SLC9C2: variants seen among roughly 807,000 people sequenced by gnomAD.
The protein encoded by SLC9C2 is sodium/hydrogen exchanger 11.
SLC9C2 carries 75 observed loss-of-function variants against 140.2 expected under a neutral mutation model. That is an observed-to-expected ratio of 0.53 (90% confidence interval 0.44 to 0.65). The LOEUF (loss-of-function observed/expected upper bound fraction) is 0.65. SLC9C2 is among the 30% of genes least tolerant of loss of function. The pLI is 0.00. For missense variants in SLC9C2, 1,074 were observed against 1,331.8 expected, an observed-to-expected ratio of 0.81 and a Z score of 3.01; for synonymous variants, 375 against 420.9, an observed-to-expected ratio of 0.89 and a Z score of 1.34.
chr1:173,558,072 T>C (rs940911686), intron 9 of SLC9C2, among the ~76,000 whole-genome samples: 1 of 152,216 alleles, frequency 6.6e-6, no homozygotes, highest in Non-Finnish European at 1.5e-5. Context: ...AAATCTATCA[T>C]TAAGGGACTG....
At chr1:173,550,666 T>C (rs1213739381) in intron 11 of SLC9C2, among the ~76,000 whole-genome samples, 1 of 151,700 alleles carries the variant, frequency 6.6e-6, no homozygotes, top group African/African-American at 2.4e-5. Flanking sequence ...CTCGATCTCT[T>C]GACCTTGTGA....
At chr1:173,511,493 C>T (rs1003498976) in intron 23 of SLC9C2, among the ~76,000 whole-genome samples, 3 of 152,106 alleles carry the variant, frequency 2.0e-5, no homozygotes, top group Non-Finnish European at 4.4e-5. Context: ...ATATCCTTTG[C>T]CCACTTTTTG....
intron 4 of SLC9C2, among the ~76,000 whole-genome samples, chr1:173,590,936 G>A (rs1459058938): frequency 6.6e-6 from 1 of 152,184 alleles, no homozygotes. Flanking sequence ...GGGTACATGT[G>A]TAGGGTTGTT....
At chr1:173,518,070 C>T (rs1275775611) in intron 22 of SLC9C2, among the ~76,000 whole-genome samples, 1 of 152,082 alleles carries the variant, frequency 6.6e-6, no homozygotes, top group Non-Finnish European at 1.5e-5. Context: ...ACCAGCCTGG[C>T]CAACATGGTG....
intron 24 of SLC9C2, 84 bp from the exon 25 acceptor site, chr1:173,507,125 G>T: frequency 9.0e-7 from 1 of 1,114,548 alleles, no homozygotes; most frequent in Non-Finnish European, 1.3e-6. Flanking sequence ...TGATCTATCT[G>T]AATTATTTGA....
intron 11 of SLC9C2, among the ~76,000 whole-genome samples, chr1:173,550,452 A>ATTTTTTTTTTT (rs202103167): frequency 1.4e-5 from 2 of 145,560 alleles, no homozygotes; most frequent in African/African-American, 5.2e-5. Context: ...TTATTTATTT[A>ATTTTTTTTTTT]TTTTTGAGGA....
At chr1:173,529,412 G>T (rs16846129) in intron 18 of SLC9C2, among the ~76,000 whole-genome samples, 7,217 of 151,946 alleles carry the variant, frequency 0.047, 619 homozygotes, top group African/African-American at 0.17. Flanking sequence ...AGTACTTACA[G>T]CATAGTGGCT....
intron 18 of SLC9C2, among the ~76,000 whole-genome samples, chr1:173,529,590 CA>C (rs890031211): frequency 2.6e-5 from 4 of 151,102 alleles, no homozygotes; most frequent in African/African-American, 9.7e-5. Flanking sequence ...TCAACTCCTG[CA>C]TACACCTTTC....
At chr1:173,511,029 CTTTTTTTTT>C (rs71111066) in intron 23 of SLC9C2, among the ~76,000 whole-genome samples, 3 of 86,738 alleles carry the variant, frequency 3.5e-5, no homozygotes, top group African/African-American at 1.1e-4. Context: ...CTTTCTTTTC[CTTTTTTTTT>C]TTTTTTTTTT....
intron 21 of SLC9C2, among the ~76,000 whole-genome samples, chr1:173,522,706 T>G (rs1660914408): frequency 6.6e-6 from 1 of 152,226 alleles, no homozygotes; most frequent in South Asian, 2.1e-4. Flanking sequence ...CCAGGGCACC[T>G]GAGAGTCATG....
At chr1:173,574,424 G>T (rs1365441326) in intron 8 of SLC9C2, among the ~76,000 whole-genome samples, 2 of 151,454 alleles carry the variant, frequency 1.3e-5, no homozygotes, top group Non-Finnish European at 2.9e-5. Flanking sequence ...CTGGGGAAGA[G>T]TTTGAGTGAG....
chr1:173,537,688 A>G (rs1194859524), intron 13 of SLC9C2, among the ~76,000 whole-genome samples: 2 of 152,176 alleles, frequency 1.3e-5, no homozygotes, highest in Non-Finnish European at 2.9e-5. Flanking sequence ...TAATATAAAT[A>G]ACATCAGTAG....
At position 173,533,763 on chromosome 1, in the gene SLC9C2, C is replaced by T. The variant is rs980493675; in HGVS notation, c.2009G>A (p.Cys670Tyr). 1.2e-6 allele frequency: 2 copies of T among 1,604,680 alleles called. No homozygotes were observed. The highest frequency in any genetic ancestry group is 1.7e-6 in the Non-Finnish European group (2 of 1,173,612). The change falls in exon 17 of 28, where the codon TGT (cysteine) becomes TAT (tyrosine). Residue 670 changes from cysteine to tyrosine, a missense_variant. Physicochemically the swap from Cys to Tyr is radical, Grantham distance 194. Coordinates refer to ENST00000367714, the MANE Select transcript of SLC9C2 (RefSeq NM_178527.4). ...GATAAAAAATTCCAAAGTATTCCAACATTGTTGAAAATATTTCCTTTTCAA... is the reference window on the plus strand; with the variant it reads ...GATAAAAAATTCCAAAGTATTCCAATATTGTTGAAAATATTTCCTTTTCAA... Reference protein sequence around the residue: ...IILKRKYFQQCWNTLEFFILV... With the variant: ...IILKRKYFQQYWNTLEFFILV...
chr1:173,562,555 C>A (rs1664186964), intron 9 of SLC9C2, among the ~76,000 whole-genome samples: 1 of 152,142 alleles, frequency 6.6e-6, no homozygotes, highest in South Asian at 2.1e-4. Context: ...ATAATTCACA[C>A]CCCTCAGGAC....
At position 173,513,585 on chromosome 1, in the gene SLC9C2, A is replaced by AT. The variant is rs200060557; in HGVS notation, c.2908-3887dup. Among the ~76,000 whole-genome samples, 20 of 151,070 alleles carry AT rather than the reference A, an allele frequency of 1.3e-4. No homozygotes were observed. In the East Asian group the frequency reaches 3.7e-3, roughly 28 times the overall value. Reference sequence around the variant, plus strand: ...GTCTAGCTAGCGGTCTATTTTGTTAATTTTTTCAAAAAAATCAGCTCCCGG... The same window carrying AT: ...GTCTAGCTAGCGGTCTATTTTGTTAATTTTTTTCAAAAAAATCAGCTCCCGG... On this transcript the variant is annotated intron_variant, in intron 23 of 27. Transcript: ENST00000367714.
At position 173,509,656 on chromosome 1, in the gene SLC9C2, G is replaced by A. The variant is rs747161909; in HGVS notation, c.2951C>T (p.Ala984Val). The change falls in exon 24 of 28, where the codon GCC (alanine) becomes GTC (valine). Residue 984 changes from alanine (A) to valine (V), a missense_variant. Transcript: ENST00000367714. Reference sequence around the variant, plus strand: ...TTTATATTCCAGAGATGGCCAGAAGGCATCAAAGCCTTCATATAAATCCTC... The same window carrying A: ...TTTATATTCCAGAGATGGCCAGAAGACATCAAAGCCTTCATATAAATCCTC... ...SLEDLYEGFD[A>V]FWPSLEYKIW... The A allele has an allele frequency of 3.1e-6, 5 of 1,596,644 alleles. No individual in the cohort carries two copies. The African/African-American group carries it at 5.4e-5, about 17-fold the overall frequency.
rs769470535 is a variant in SLC9C2 at position 173,557,980 on chromosome 1, G to A, written c.1047-472C>T. Among the ~76,000 whole-genome samples, 5 of 152,094 alleles carry A rather than the reference G, an allele frequency of 3.3e-5. 1 individual carries two copies. Among genetic ancestry groups the A allele is most frequent in the Non-Finnish European group, 7.4e-5 (5 of 68,004 alleles). On this transcript the variant is annotated intron_variant, in intron 9 of 27. Transcript: ENST00000367714. ...TATTGAGCTCCCACAAGAATCATAC[G>A]CTAAATGTCACACAAATAATTTTAA... is the stretch of plus-strand genomic sequence containing the variant.
chr1:173,564,064 C>T (rs890354361), intron 9 of SLC9C2, among the ~76,000 whole-genome samples: 4 of 152,214 alleles, frequency 2.6e-5, no homozygotes, highest in African/African-American at 9.6e-5. Flanking sequence ...AATAGTATTC[C>T]ATTGTGTATA....
Position 173,557,446 on chromosome 1 carries a change from C to T in SLC9C2, c.1109G>A (p.Arg370Gln), listed in dbSNP as rs750156727. ...AGACCACGTGATTACAACTCCCCAT[C>T]GCCAATTATATTCATAATTTGAATG... ...LMHSNYEYNW[R>Q]WGVVITWSGI... Residue 370 changes from arginine to glutamine, a missense_variant, in exon 10 of 28, where the codon CGA becomes CAA. Coordinates refer to ENST00000367714, the MANE Select transcript of SLC9C2 (RefSeq NM_178527.4). The T allele has an allele frequency of 1.1e-5, 18 of 1,613,756 alleles. No homozygotes were observed. Among genetic ancestry groups the T allele is most frequent in the Non-Finnish European group, 1.4e-5 (17 of 1,179,736 alleles).
Sources: gnomAD v4.1 joint callset for allele counts (sites outside exome capture counted in the v4.1 genomes callset) on GRCh38, gnomAD v4.1.1 for gene constraint, MANE v1.5 for transcripts, NCBI Gene and HGNC (gene_info 2026-07-23, HGNC 2026-07-21) for gene names.